The following PACS1 variants were observed in gnomAD, a reference collection of about 807,000 sequenced individuals.
PACS1 encodes the protein phosphofurin acidic cluster sorting protein 1.
A neutral mutation model predicts 115.0 loss-of-function variants in PACS1; 24 were observed. That is an observed-to-expected ratio of 0.21 (90% CI 0.15 to 0.29). The LOEUF is 0.29. Among genes scored for constraint, PACS1 ranks in the 10% least tolerant of loss-of-function variants. The pLI is 1.00. For synonymous variants in PACS1, 453 were observed against 504.5 expected (o/e 0.90, Z 1.37); for missense variants, 838 against 1,251.2 (o/e 0.67, Z 4.98).
At chr11:66,153,514 G>A (rs1428450859) in intron 1 of PACS1, among the ~76,000 whole-genome samples, 1 of 152,150 alleles carries the variant, frequency 6.6e-6, no homozygotes, top group Non-Finnish European at 1.5e-5. Flanking sequence ...AGGCGCGGTG[G>A]CTCACGCCTG....
intron 10 of PACS1, among the ~76,000 whole-genome samples, chr11:66,223,054 C>CAAAAAAAAAAAAAAAA (rs71461612): frequency 1.3e-5 from 1 of 75,008 alleles, no homozygotes; most frequent in Non-Finnish European, 2.5e-5. Context: ...CCTCGATTTA[C>CAAAAAAAAAAAAAAAA]AAAAAAAAAA....
At chr11:66,129,751 C>T (rs1278946188) in intron 1 of PACS1, among the ~76,000 whole-genome samples, 1 of 152,008 alleles carries the variant, frequency 6.6e-6, no homozygotes, top group African/African-American at 2.4e-5. Context: ...TTAACTTTAT[C>T]GTTCATATTT....
At chr11:66,081,520 G>A (rs963685795) in intron 1 of PACS1, among the ~76,000 whole-genome samples, 4 of 152,082 alleles carry the variant, frequency 2.6e-5, no homozygotes, top group African/African-American at 9.7e-5. Flanking sequence ...ACCATCACAA[G>A]GTCTTGGGTT....
In PACS1 at chr11:66,239,235, C is replaced by G; in HGVS notation, c.2387C>G (p.Pro796Arg). 1 of 1,613,812 alleles carries G rather than the reference C, an allele frequency of 6.2e-7. No homozygotes were observed. Among genetic ancestry groups the G allele is most frequent in the Non-Finnish European group, 8.5e-7 (1 of 1,179,996 alleles). ...CTGAGCCGAGACGCCACGGCCACCC[C>G]TCCCTCCTCCCCATCTATGAGCAGC... ...SGLSRDATATPPSSPSMSSAL... is the reference protein window; with the variant it reads ...SGLSRDATATRPSSPSMSSAL... The change falls in exon 21 of 24, where the codon CCT (proline) becomes CGT (arginine). Residue 796 changes from proline (P) to arginine (R), a missense_variant. This residue lies in a region of PACS1 where 383 missense variants were observed against 537.0 expected (regional missense o/e 0.71). Transcript: ENST00000320580.
chr11:66,166,755 A>G (rs1246799397), intron 1 of PACS1, among the ~76,000 whole-genome samples: 1 of 150,406 alleles, frequency 6.6e-6, no homozygotes, highest in Non-Finnish European at 1.5e-5. Flanking sequence ...TTCTGATGAG[A>G]ACAGTGCAAA....
At chr11:66,150,288 A>G (rs951167327) in intron 1 of PACS1, among the ~76,000 whole-genome samples, 4 of 152,208 alleles carry the variant, frequency 2.6e-5, no homozygotes, top group African/African-American at 9.6e-5. Context: ...TGAGACTAAC[A>G]AAACCAAAAC....
At chr11:66,220,444 G>T in intron 8 of PACS1, 187 bp from the exon 9 acceptor site, 1 of 593,660 alleles carries the variant, frequency 1.7e-6, no homozygotes. Context: ...GGGGGAAGGT[G>T]GCCTCACCAT....
chr11:66,168,558 C>G (rs1431535057), intron 1 of PACS1, among the ~76,000 whole-genome samples: 3 of 150,230 alleles, frequency 2.0e-5, no homozygotes, highest in African/African-American at 7.6e-5. Flanking sequence ...CAATCCTCAC[C>G]TAGCTGCTTA....
chr11:66,216,438 G>A, intron 5 of PACS1, 82 bp from the exon 6 acceptor site: 2 of 1,451,856 alleles, frequency 1.4e-6, no homozygotes, highest in Non-Finnish European at 1.9e-6. Flanking sequence ...CACCCAAAGA[G>A]AACCATTGAT....
At position 66,239,227 on chromosome 11, in the gene PACS1, G is replaced by A. The variant is rs764279733; in HGVS notation, c.2379G>A (p.Thr793=). 37 of 1,613,650 alleles carry A rather than the reference G, an allele frequency of 2.3e-5. No homozygotes were observed. The highest frequency in any genetic ancestry group is 2.8e-5 in the Non-Finnish European group (33 of 1,179,994). The change falls in exon 21 of 24, where the codon ACG becomes ACA. Residue 793 remains threonine (T), a synonymous_variant. Transcript: ENST00000320580. The part of the protein sequence containing the change: ...PSSSGLSRDA[T]ATPPSSPSMS... ...GCTCGGGCCTGAGCCGAGACGCCAC[G>A]GCCACCCCTCCCTCCTCCCCATCTA...
intron 2 of PACS1, among the ~76,000 whole-genome samples, chr11:66,196,552 T>G (rs1402751856): frequency 6.6e-6 from 1 of 152,190 alleles, no homozygotes. Context: ...TTGAACAGAG[T>G]TACCCTATCA....
At chr11:66,109,255 A>G (rs1590750105) in intron 1 of PACS1, among the ~76,000 whole-genome samples, 1 of 152,124 alleles carries the variant, frequency 6.6e-6, no homozygotes, top group East Asian at 1.9e-4. Flanking sequence ...GTGTCAGGAA[A>G]AGTTTCATTG....
chr11:66,238,652 C>T, intron 19 of PACS1, 152 bp from the exon 20 acceptor site: 1 of 728,498 alleles, frequency 1.4e-6, no homozygotes, highest in Non-Finnish European at 2.3e-6. Flanking sequence ...AGGCATAAGC[C>T]ACCACGCCCA....
chr11:66,186,152 G>T (rs141054178), intron 1 of PACS1, among the ~76,000 whole-genome samples: 57 of 152,026 alleles, frequency 3.7e-4, no homozygotes, highest in African/African-American at 1.2e-3. Flanking sequence ...GAATGCACCT[G>T]TAGTCTCAGC....
At chr11:66,210,642 G>T (rs1160166507) in intron 3 of PACS1, among the ~76,000 whole-genome samples, 191 bp downstream of exon 3, 1 of 152,326 alleles carries the variant, frequency 6.6e-6, no homozygotes, top group African/African-American at 2.4e-5. Context: ...GACGGTAAGG[G>T]TGTGGAGACC....
intron 1 of PACS1, among the ~76,000 whole-genome samples, chr11:66,085,053 T>G (rs571377966): frequency 1.3e-5 from 2 of 152,224 alleles, no homozygotes; most frequent in Admixed American, 6.5e-5. Context: ...CCTTATTTAT[T>G]TGATGGTTTC....
At chr11:66,144,849 G>A (rs538078380) in intron 1 of PACS1, among the ~76,000 whole-genome samples, 66 of 152,254 alleles carry the variant, frequency 4.3e-4, no homozygotes, top group African/African-American at 1.6e-3. Flanking sequence ...TGGCCAGGCT[G>A]GTCTCGAACT....
chr11:66,127,304 G>A (rs1165940759), intron 1 of PACS1, among the ~76,000 whole-genome samples: 1 of 152,198 alleles, frequency 6.6e-6, no homozygotes, highest in Admixed American at 6.5e-5. Context: ...TGAGTTCTTA[G>A]TGCAACCTTC....
intron 1 of PACS1, among the ~76,000 whole-genome samples, chr11:66,124,356 C>G (rs1032962068): frequency 7.2e-5 from 11 of 152,224 alleles, no homozygotes; most frequent in Non-Finnish European, 1.6e-4. Context: ...TCAGCTTCTT[C>G]TCTGCTTCAG....
Sources: gnomAD v4.1 joint callset for allele counts (sites outside exome capture counted in the v4.1 genomes callset) on GRCh38, gnomAD v4.1.1 for gene constraint, gnomAD v4.1.1 regional missense constraint, MANE v1.5 for transcripts, NCBI Gene and HGNC (gene_info 2026-07-23, HGNC 2026-07-21) for gene names.